HTT: variants seen among roughly 807,000 people sequenced by gnomAD.
The protein encoded by HTT is huntingtin, also known as huntington disease protein.
HTT carries 104 observed loss-of-function variants against 362.3 expected under a neutral mutation model. The ratio of observed to expected loss-of-function variants is 0.29; its 90% CI spans 0.24 to 0.34. The LOEUF (loss-of-function observed/expected upper bound fraction) is 0.34. Ranked by LOEUF, HTT falls within the 10% of genes least tolerant of loss-of-function variation. The pLI is 1.00. For missense variants in HTT, 3,301 were observed against 3,928.6 expected, an observed-to-expected ratio of 0.84 and a Z score of 4.27; for synonymous variants, 1,577 against 1,548.7, an observed-to-expected ratio of 1.02 and a Z score of -0.43.
At chr4:3,212,530 G>A (rs907257891) in intron 48 of HTT, 34 bp from the exon 49 acceptor site, 52 of 1,609,606 alleles carry the variant, frequency 3.2e-5, no homozygotes, top group Admixed American at 1.3e-4. Context: ...CTGTGCTCAC[G>A]TTTGCACCCA....
chr4:3,115,204 C>A, intron 6 of HTT, 100 bp from the exon 7 acceptor site: 1 of 1,246,708 alleles, frequency 8.0e-7, no homozygotes, highest in Non-Finnish European at 1.1e-6. Context: ...TTATACTTTG[C>A]AAGAATTGGA....
At chr4:3,166,084 G>A (rs1717688245) in intron 29 of HTT, among the ~76,000 whole-genome samples, 1 of 152,182 alleles carries the variant, frequency 6.6e-6, no homozygotes, top group Non-Finnish European at 1.5e-5. Flanking sequence ...GTGACCTACG[G>A]ATGGGGTTTT....
At position 3,206,099 on chromosome 4, in the gene HTT, C is replaced by T. The variant is rs757041152; in HGVS notation, c.5719-397C>T. On this transcript the variant is annotated intron_variant, in intron 42 of 66. Transcript: ENST00000355072. This position sits in a 1 kb window ranked among gnomAD's most constrained non-coding sequence, Gnocchi z 4.6. Reference sequence around the variant, plus strand: ...AATTGGAGAACCCCACTGGCTTAGCCGGCCCGAAGCCCGGGAGAGGGCAGG... The same window carrying T: ...AATTGGAGAACCCCACTGGCTTAGCTGGCCCGAAGCCCGGGAGAGGGCAGG... 2.6e-5 allele frequency among the ~76,000 whole-genome samples: 4 copies of T among 152,230 alleles called. No individual in the cohort carries two copies. Among genetic ancestry groups the T allele is most frequent in the Non-Finnish European group, 5.9e-5 (4 of 68,048 alleles).
chr4:3,170,520 A>T (rs975555103), intron 29 of HTT, among the ~76,000 whole-genome samples: 3 of 152,020 alleles, frequency 2.0e-5, no homozygotes, highest in African/African-American at 7.2e-5. Flanking sequence ...TCACACACAT[A>T]TCTCTGCTGA....
At chr4:3,182,719 C>T (rs1261595249) in intron 37 of HTT, among the ~76,000 whole-genome samples, 2 of 152,200 alleles carry the variant, frequency 1.3e-5, no homozygotes, top group Admixed American at 1.3e-4. Flanking sequence ...AGGCAGCACA[C>T]AGCTTTAGAG....
At chr4:3,226,352 C>G (rs781485650) in intron 57 of HTT, among the ~76,000 whole-genome samples, 3 of 152,124 alleles carry the variant, frequency 2.0e-5, no homozygotes, top group Admixed American at 1.3e-4. Context: ...CACCTGTAAT[C>G]TATAACATTT....
At chr4:3,221,627 T>C (rs1348490424) in intron 53 of HTT, among the ~76,000 whole-genome samples, 1 of 152,216 alleles carries the variant, frequency 6.6e-6, no homozygotes, top group Non-Finnish European at 1.5e-5. Context: ...CTAGTTCTCC[T>C]GTCCTAAGCA....
rs565610918 is a variant in HTT at position 3,100,190 on chromosome 4, T to C, written c.468+796T>C. On this transcript the variant is annotated intron_variant, in intron 3 of 66. Transcript: ENST00000355072. ...TTTCTTAACCATAAAATGGGATCAA[T>C]GTTTTTGTGGCATGTGTATGAGTGT... Among the ~76,000 whole-genome samples, 5 of 152,298 alleles carry C rather than the reference T, an allele frequency of 3.3e-5. No individual in the cohort carries two copies. The South Asian group carries it at 6.2e-4, about 19-fold the overall frequency.
At chr4:3,213,208 CAAAG>C (rs1720244934) in intron 49 of HTT, among the ~76,000 whole-genome samples, 1 of 152,194 alleles carries the variant, frequency 6.6e-6, no homozygotes, top group South Asian at 2.1e-4. Context: ...CACCTCACAC[CAAAG>C]AAAGGGAGGA....
intron 56 of HTT, among the ~76,000 whole-genome samples, chr4:3,225,255 G>A (rs909947862): frequency 6.6e-6 from 1 of 152,198 alleles, no homozygotes; most frequent in African/African-American, 2.4e-5. Context: ...GGAAGGCACT[G>A]TTCACCAAAA....
intron 51 of HTT, among the ~76,000 whole-genome samples, chr4:3,216,940 G>C (rs565572645): frequency 1.9e-4 from 29 of 151,042 alleles, no homozygotes; most frequent in Non-Finnish European, 3.6e-4. Context: ...CAGGAGAATG[G>C]CGTGAACCCG....
At chr4:3,169,991 T>G (rs1475399861) in intron 29 of HTT, among the ~76,000 whole-genome samples, 1 of 152,260 alleles carries the variant, frequency 6.6e-6, no homozygotes, top group Non-Finnish European at 1.5e-5. Flanking sequence ...ATAACTGTTT[T>G]AATATCCTTC....
At position 3,122,937 on chromosome 4, in the gene HTT, G is replaced by T; in HGVS notation, c.1321+1G>T. The T allele has an allele frequency of 6.2e-7, 1 of 1,609,640 alleles. No individual in the cohort carries two copies. The highest frequency in any genetic ancestry group is 8.5e-7 in the Non-Finnish European group (1 of 1,177,374). ...CCTGTCCTTTCAAGAAAACAAAAAG[G>T]TGATTATTTCAGAAATCAGAGTCTT... On this transcript the variant is annotated splice_donor_variant, in intron 10 of 66. Transcript: ENST00000355072. LOFTEE classifies it high-confidence loss of function.
rs1217378741 is a variant in HTT, at chr4:3,074,922, CAG to C, written c.98_99del (p.Gln33ProfsTer49). On this transcript the variant is annotated frameshift_variant, in exon 1 of 67. Transcript: ENST00000355072. LOFTEE classifies it high-confidence loss of function. ...GCAGCAGCAGCAGCAGCAGCAGCAG[CAG>C]CAGCAGCAGCAACAGCCGCCACCGC... ...QQQQQQQQQQ[Q>X]QQQQQPPPPP... 2.5e-5 allele frequency: 37 copies of C among 1,466,062 alleles called. No homozygotes were observed. In the African/African-American group the frequency reaches 4.6e-4, roughly 18 times the overall value. The allele number at this position is 1,466,062 out of a possible 1,614,324, so 90.8% of individuals were successfully genotyped here.
chr4:3,119,983 A>G (rs1715217491), intron 8 of HTT, among the ~76,000 whole-genome samples: 1 of 152,122 alleles, frequency 6.6e-6, no homozygotes, highest in Non-Finnish European at 1.5e-5. Flanking sequence ...CAGCCCATAA[A>G]TGTGGCTCTG....
At chr4:3,183,472 A>G (rs1246246825) in intron 37 of HTT, among the ~76,000 whole-genome samples, 1 of 152,268 alleles carries the variant, frequency 6.6e-6, no homozygotes, top group Non-Finnish European at 1.5e-5. Flanking sequence ...GATTATACAC[A>G]ATAAACAACT....
In HTT at chr4:3,126,260, G is replaced by A. The variant is rs540942582; in HGVS notation, c.1402+631G>A. 3.9e-5 allele frequency among the ~76,000 whole-genome samples: 6 copies of A among 152,048 alleles called. No homozygotes were observed. The South Asian group carries it at 1.2e-3, about 32-fold the overall frequency. ...GTGGAGACGGGTTTTTGCCATGTTG[G>A]TCAGGCTGGTCTTGAACTCCTGACC... On this transcript the variant is annotated intron_variant, in intron 11 of 66. Coordinates refer to ENST00000355072, the MANE Select transcript of HTT (RefSeq NM_001388492.1).
intron 37 of HTT, among the ~76,000 whole-genome samples, chr4:3,184,451 G>C (rs145152680): frequency 5.1e-4 from 77 of 152,216 alleles, no homozygotes; most frequent in African/African-American, 1.5e-3. Flanking sequence ...TAGCCTTGAG[G>C]GGGAGGTGAG....
intron 6 of HTT, among the ~76,000 whole-genome samples, chr4:3,107,729 A>G (rs925306574): frequency 1.3e-5 from 2 of 152,246 alleles, no homozygotes; most frequent in South Asian, 2.1e-4. Context: ...AGCTGCGGGA[A>G]GATGACTGTG....
Sources: gnomAD v4.1 joint callset for allele counts (sites outside exome capture counted in the v4.1 genomes callset) on GRCh38, gnomAD v4.1.1 for gene constraint, Gnocchi (gnomAD v3.1) non-coding constraint, MANE v1.5 for transcripts, NCBI Gene and HGNC (gene_info 2026-07-23, HGNC 2026-07-21) for gene names.